The following SRP19 variants were observed in gnomAD, a reference collection of about 807,000 sequenced individuals.
SRP19 encodes the protein signal recognition particle 19.
Under a neutral mutation model 22.4 loss-of-function variants are expected in SRP19, and 11 were observed. That is an observed-to-expected ratio of 0.49 (90% CI 0.31 to 0.81). The LOEUF (loss-of-function observed/expected upper bound fraction) is 0.81. Ranked by LOEUF, SRP19 falls within the 40% of genes least tolerant of loss-of-function variation. SRP19 has a pLI of 0.05. For synonymous variants in SRP19, 61 were observed against 57.6 expected (o/e 1.06, Z -0.27); for missense variants, 168 against 175.9 (o/e 0.96, Z 0.25).
intron 2 of SRP19, 137 bp downstream of exon 2, chr5:112,862,720 G>A: frequency 2.7e-6 from 2 of 736,670 alleles, no homozygotes; most frequent in Non-Finnish European, 4.5e-6. Flanking sequence ...GCCAAGAATT[G>A]GGGTGCGTTC....
At chr5:112,891,567 G>T (rs1580736870) in intron 4 of SRP19, 3 of 1,548,564 alleles carry the variant, frequency 1.9e-6, no homozygotes, top group Non-Finnish European at 2.6e-6. Context: ...ACTGACAGTG[G>T]CAGCTATGAA....
Position 112,878,415 on chromosome 5 carries a change from GAT to G in SRP19, c.302-13187_302-13186del, listed in dbSNP as rs1162258466. On this transcript the variant is annotated intron_variant, in intron 4 of 4. Transcript: ENST00000391338. ...ACATTACAGGAAGTAGAACCATAAA[GAT>G]TATCCTAAATGTAACTACAGAGAAA... The G allele has an allele frequency of 2.0e-5, 4 of 203,734 alleles. No individual in the cohort carries two copies. The East Asian group carries it at 4.7e-4, about 24-fold the overall frequency. The allele number at this position is 203,734 out of a possible 1,614,324, so 12.6% of individuals were successfully genotyped here. A position where few individuals can be genotyped will look rare whatever the true frequency, so the allele number is the denominator to read the frequency against.
chr5:112,883,452 C>T (rs1475641225), intron 4 of SRP19, among the ~76,000 whole-genome samples: 2 of 152,200 alleles, frequency 1.3e-5, no homozygotes, highest in African/African-American at 4.8e-5. Flanking sequence ...AGGGATACCA[C>T]ACGCTCATGG....
At chr5:112,880,635 G>A (rs1451994874) in intron 4 of SRP19, among the ~76,000 whole-genome samples, 1 of 152,256 alleles carries the variant, frequency 6.6e-6, no homozygotes, top group African/African-American at 2.4e-5. Flanking sequence ...GTGGCAGCAT[G>A]TAAATTCCTC....
downstream of SRP19, chr5:112,895,487 C>T (rs1366124300): frequency 2.0e-5 from 2 of 99,942 alleles, no homozygotes; most frequent in Non-Finnish European, 3.7e-5. Flanking sequence ...ATTATCTTTT[C>T]TGGATGAATT....
At chr5:112,882,709 G>A (rs2150034405) in intron 4 of SRP19, among the ~76,000 whole-genome samples, 1 of 152,310 alleles carries the variant, frequency 6.6e-6, no homozygotes, top group Admixed American at 6.5e-5. Flanking sequence ...GCAGAGAAGA[G>A]TAGCTGCAAC....
intron 4 of SRP19, among the ~76,000 whole-genome samples, chr5:112,884,540 G>C (rs1768173309): frequency 6.6e-6 from 1 of 152,076 alleles, no homozygotes; most frequent in South Asian, 2.1e-4. Flanking sequence ...ACAACGTCCG[G>C]CTAATTTTTA....
intron 4 of SRP19, chr5:112,886,979 T>A: frequency 2.7e-6 from 4 of 1,496,372 alleles, no homozygotes; most frequent in Non-Finnish European, 3.7e-6. Flanking sequence ...TCACATCTCC[T>A]CTCACATGTG....
Position 112,861,368 on chromosome 5 carries a change from C to A in SRP19, c.-9C>A. On this transcript the variant is annotated 5_prime_UTR_variant, in exon 1 of 5. Transcript: ENST00000505459. The stretch of plus-strand genomic sequence containing the variant: ...CTGCGGCTCCTGGGTTGTTGAGACT[C>A]TTGTGAAGATGGCTTGCGCTGCCGC... 1 of 1,614,194 alleles carries A rather than the reference C, an allele frequency of 6.2e-7. No homozygotes were observed. The highest frequency in any genetic ancestry group is 8.5e-7 in the Non-Finnish European group (1 of 1,180,040).
Position 112,869,173 on chromosome 5 carries a change from C to T in SRP19, c.*1636C>T, listed in dbSNP as rs1323188615. The stretch of plus-strand genomic sequence containing the variant: ...GGTTGCTGTGGTGGTTGGTTTAGCT[C>T]TCAGTGATGCCTTTTTTGTATTTTT... On this transcript the variant is annotated 3_prime_UTR_variant, in exon 5 of 5. Transcript: ENST00000505459. 5 of 152,180 alleles carry T rather than the reference C, an allele frequency of 3.3e-5. No individual in the cohort carries two copies. The highest frequency in any genetic ancestry group is 1.2e-4 in the African/African-American group (5 of 41,438). The allele number at this position is 152,180 out of a possible 1,614,324, so 9.4% of individuals were successfully genotyped here.
At position 112,891,180 on chromosome 5, in the gene SRP19, C is replaced by A. The variant is rs1028312902; in HGVS notation, c.302-423C>A. ...CTCTGCCTCCTGGGTTCAAGCAGTT[C>A]TCCTGCCTCAGCCTCCCAAGTAGCT... On this transcript the variant is annotated intron_variant, in intron 4 of 4. Coordinates refer to the SRP19 transcript ENST00000391338. 1.4e-5 allele frequency among the ~76,000 whole-genome samples: 2 copies of A among 142,014 alleles called. 1 individual carries two copies. The highest frequency in any genetic ancestry group is 5.7e-5 in the African/African-American group (2 of 35,018). 93.2% of individuals were successfully genotyped at this position (142,014 alleles called of 152,430 possible).
chr5:112,897,301 A>G (rs1377464021), downstream of SRP19: 2 of 151,796 alleles, frequency 1.3e-5, no homozygotes, highest in Non-Finnish European at 2.9e-5. Context: ...GACTACTCTA[A>G]GATGTAGGAT....
intron 4 of SRP19, among the ~76,000 whole-genome samples, chr5:112,884,452 C>G (rs1768169754): frequency 6.6e-6 from 1 of 151,514 alleles, no homozygotes; most frequent in Admixed American, 6.6e-5. Context: ...GCACAGCTCA[C>G]TTGCAGCCTT....
At chr5:112,874,856 A>G (rs1580721699) in intron 4 of SRP19, among the ~76,000 whole-genome samples, 1 of 150,900 alleles carries the variant, frequency 6.6e-6, no homozygotes, top group African/African-American at 2.4e-5. Flanking sequence ...GCTCACTGCA[A>G]CCTCTGCCTC....
At chr5:112,896,560 A>C (rs1768686642), downstream of SRP19, 1 of 152,274 alleles carries the variant, frequency 6.6e-6, no homozygotes, top group African/African-American at 2.4e-5. Context: ...AAAATGTTAT[A>C]TTCTCTGTCA....
chr5:112,862,466 T>A, intron 1 of SRP19, 42 bp from the exon 2 acceptor site: 1 of 1,582,912 alleles, frequency 6.3e-7, no homozygotes, highest in Non-Finnish European at 8.7e-7. Context: ...CTCCTGCCTC[T>A]TACTGCTCTA....
At chr5:112,886,252 C>T (rs1040544429) in intron 4 of SRP19, among the ~76,000 whole-genome samples, 1 of 152,194 alleles carries the variant, frequency 6.6e-6, no homozygotes. Flanking sequence ...CATAGATAAC[C>T]CCAAGTATTG....
chr5:112,884,237 G>A (rs533567425), intron 4 of SRP19, among the ~76,000 whole-genome samples: 8 of 152,212 alleles, frequency 5.3e-5, no homozygotes, highest in Admixed American at 2.0e-4. Flanking sequence ...TATGTGATAC[G>A]TCTTCCAGCC....
chr5:112,885,421 G>T, intron 4 of SRP19: 2 of 191,670 alleles, frequency 1.0e-5, no homozygotes, highest in South Asian at 2.1e-4. Flanking sequence ...ACAGCACTTG[G>T]GGATGGATGC....
Sources: gnomAD v4.1 joint callset for allele counts (sites outside exome capture counted in the v4.1 genomes callset) on GRCh38, gnomAD v4.1.1 for gene constraint, MANE v1.5 for transcripts, NCBI Gene and HGNC (gene_info 2026-07-23, HGNC 2026-07-21) for gene names.